Variants in GC observed in about 807,000 individuals in gnomAD.
GC encodes GC vitamin D binding protein.
Under a neutral mutation model 56.7 loss-of-function variants are expected in GC, and 43 were observed. The ratio of observed to expected loss-of-function variants is 0.76; its 90% confidence interval spans 0.59 to 0.98. GC has a LOEUF of 0.98. GC is among the 50% of genes least tolerant of loss of function. The pLI, the probability that GC is intolerant of heterozygous loss-of-function variation, is 0.00. For missense variants in GC, 529 were observed against 545.9 expected, an observed-to-expected ratio of 0.97 and a Z score of 0.31; for synonymous variants, 216 against 202.7, an observed-to-expected ratio of 1.07 and a Z score of -0.56.
upstream of GC, among the ~76,000 whole-genome samples, chr4:71,804,236 C>G (rs371126673): frequency 6.6e-6 from 1 of 152,198 alleles, no homozygotes; most frequent in Non-Finnish European, 1.5e-5. Flanking sequence ...CCGTCCTGAA[C>G]AGCTGGACCA....
At chr4:71,786,235 T>C (rs2149307692), upstream of GC, among the ~76,000 whole-genome samples, 1 of 151,916 alleles carries the variant, frequency 6.6e-6, no homozygotes, top group Non-Finnish European at 1.5e-5. Context: ...AGTAGCTAAA[T>C]ATATGAGCCT....
In GC at chr4:71,760,954, A is replaced by C. The variant is rs191450846; in HGVS notation, c.701+2454T>G. On this transcript the variant is annotated intron_variant, in intron 6 of 12. Coordinates refer to ENST00000273951, the MANE Select transcript of GC (RefSeq NM_000583.4). ...GCCCAGTCTCAGGTATGTCTTTATC[A>C]GCAGCATGAAAACAGATTAATACAG... 5.1e-4 allele frequency among the ~76,000 whole-genome samples: 78 copies of C among 152,328 alleles called. No homozygotes were observed. In the Middle Eastern group the frequency reaches 0.01, roughly 20 times the overall value.
chr4:71,754,815 T>A (rs1236336863), intron 9 of GC, among the ~76,000 whole-genome samples, 163 bp downstream of exon 9: 2 of 152,242 alleles, frequency 1.3e-5, no homozygotes, highest in East Asian at 3.8e-4. Context: ...GAGATACTGA[T>A]GTTCTTTTGC....
chr4:71,784,797 C>A (rs1479326930), upstream of GC, among the ~76,000 whole-genome samples: 1 of 151,684 alleles, frequency 6.6e-6, no homozygotes, highest in Non-Finnish European at 1.5e-5. Flanking sequence ...GATTTTAAAG[C>A]TCCTTCTACT....
At chr4:71,794,918 C>CA (rs1488038010) in intron 1 of GC, among the ~76,000 whole-genome samples, 1 of 152,098 alleles carries the variant, frequency 6.6e-6, no homozygotes, top group African/African-American at 2.4e-5. Flanking sequence ...GTTATTTACC[C>CA]AGTAGTCATT....
chr4:71,779,891 T>G (rs1742620020), intron 1 of GC, among the ~76,000 whole-genome samples: 1 of 151,826 alleles, frequency 6.6e-6, no homozygotes, highest in East Asian at 1.9e-4. Flanking sequence ...AAAGTGTAGC[T>G]CACCCACCAA....
intron 11 of GC, among the ~76,000 whole-genome samples, chr4:71,752,146 T>C (rs1741577338): frequency 6.6e-6 from 1 of 152,186 alleles, no homozygotes; most frequent in Admixed American, 6.5e-5. Flanking sequence ...TATGTGAAGG[T>C]AATGAACTCT....
chr4:71,804,197 T>TTGGC (rs1560719202), upstream of GC, among the ~76,000 whole-genome samples: 3 of 152,184 alleles, frequency 2.0e-5, no homozygotes, highest in Admixed American at 1.3e-4. Context: ...AGCTAGGAGA[T>TTGGC]TGGCTGGCAT....
chr4:71,769,103 A>G (rs1347153673), intron 2 of GC, among the ~76,000 whole-genome samples: 1 of 152,218 alleles, frequency 6.6e-6, no homozygotes. Flanking sequence ...GAACTCATTC[A>G]TAAACTTACT....
chr4:71,744,761 T>C (rs998757962), intron 12 of GC, among the ~76,000 whole-genome samples: 7 of 152,158 alleles, frequency 4.6e-5, no homozygotes, highest in African/African-American at 1.7e-4. Context: ...CTGTTGCATA[T>C]TGGGATTTTA....
intron 10 of GC, among the ~76,000 whole-genome samples, chr4:71,754,207 T>C (rs1349287713): frequency 6.6e-6 from 1 of 152,184 alleles, no homozygotes; most frequent in Admixed American, 6.5e-5. Context: ...TTCACCCCTC[T>C]CCTACCCTCC....
At chr4:71,768,958 C>A (rs1283101095) in intron 2 of GC, among the ~76,000 whole-genome samples, 2 of 152,186 alleles carry the variant, frequency 1.3e-5, no homozygotes, top group Admixed American at 6.5e-5. Context: ...TTCCATCAAA[C>A]CAATCTGGTG....
intron 1 of GC, among the ~76,000 whole-genome samples, chr4:71,799,886 T>A (rs1314760890): frequency 6.6e-6 from 1 of 152,162 alleles, no homozygotes; most frequent in Non-Finnish European, 1.5e-5. Flanking sequence ...TAGACACAGC[T>A]GTGAGGAGCC....
At chr4:71,801,382 C>T (rs1323418091) in intron 1 of GC, among the ~76,000 whole-genome samples, 56 of 152,180 alleles carry the variant, frequency 3.7e-4, no homozygotes, top group Non-Finnish European at 2.6e-4. Flanking sequence ...TCCTCTAATA[C>T]TCTGCCCTGC....
intron 12 of GC, among the ~76,000 whole-genome samples, chr4:71,743,622 G>A (rs1481954551): frequency 6.6e-6 from 1 of 152,160 alleles, no homozygotes; most frequent in Non-Finnish European, 1.5e-5. Context: ...CAATGAGTTG[G>A]TTGTGTTCTG....
intron 10 of GC, 142 bp downstream of exon 10, chr4:71,754,269 A>G: frequency 1.7e-6 from 1 of 583,240 alleles, no homozygotes; most frequent in Non-Finnish European, 3.0e-6. Flanking sequence ...GATTCTGACT[A>G]CTTTAAAAAA....
chr4:71,765,231 G>A (rs1225626609), intron 4 of GC, among the ~76,000 whole-genome samples: 2 of 152,146 alleles, frequency 1.3e-5, no homozygotes, highest in Non-Finnish European at 2.9e-5. Flanking sequence ...GTAAGAGTTT[G>A]GGAAAATTGA....
rs185290318 is a variant in GC, at chr4:71,758,658, T to C, written c.702-487A>G. Among the ~76,000 whole-genome samples, 3 of 152,356 alleles carry C rather than the reference T, an allele frequency of 2.0e-5. No homozygotes were observed. The East Asian group carries it at 5.8e-4, about 29-fold the overall frequency. On this transcript the variant is annotated intron_variant, in intron 6 of 12. Coordinates refer to ENST00000273951, the MANE Select transcript of GC (RefSeq NM_000583.4). ...TATTTTATGTGTGAATGGTATGCTA[T>C]ACTATTCTCATATTTGCCTTTTTCA...
intron 1 of GC, among the ~76,000 whole-genome samples, chr4:71,801,888 TTC>T (rs1743261949): frequency 7.6e-6 from 1 of 131,414 alleles, no homozygotes; most frequent in African/African-American, 3.4e-5. Flanking sequence ...TGTTTCTTTC[TTC>T]TTTTTTTTTT....
Sources: allele counts gnomAD v4.1 joint callset (sites outside exome capture counted in the v4.1 genomes callset), GRCh38; gene constraint gnomAD v4.1.1; transcripts MANE v1.5; gene names NCBI Gene and HGNC (gene_info 2026-07-23, HGNC 2026-07-21).